The following ZBTB46 variants were observed in gnomAD, a reference collection of about 807,000 sequenced individuals.
ZBTB46 encodes the protein zinc finger and BTB domain containing 46, also known as zinc finger and BTB domain-containing protein 46.
Under a neutral mutation model 44.1 loss-of-function variants are expected in ZBTB46, and 8 were observed. The ratio of observed to expected loss-of-function variants is 0.18; its 90% CI spans 0.11 to 0.33. ZBTB46 has a LOEUF of 0.33. ZBTB46 is among the 10% of genes least tolerant of loss of function. The pLI is 1.00. For missense variants in ZBTB46, 651 were observed against 847.7 expected (o/e 0.77, Z 2.88); for synonymous variants, 409 against 382.3 (o/e 1.07, Z -0.81).
chr20:63,821,683 G>C (rs2092793299), intron 1 of ZBTB46, among the ~76,000 whole-genome samples: 2 of 151,772 alleles, frequency 1.3e-5, no homozygotes, highest in Non-Finnish European at 2.9e-5. Context: ...CCTGACCTCA[G>C]GTGATCTGCC....
intron 1 of ZBTB46, among the ~76,000 whole-genome samples, chr20:63,830,358 G>C (rs1010717223): frequency 2.0e-5 from 3 of 151,808 alleles, no homozygotes; most frequent in African/African-American, 7.2e-5. Flanking sequence ...ACAAAGACGC[G>C]GCTCGCAGCG....
chr20:63,781,648 C>T (rs2092470766), intron 2 of ZBTB46, among the ~76,000 whole-genome samples: 1 of 151,896 alleles, frequency 6.6e-6, no homozygotes, highest in African/African-American at 2.4e-5. Context: ...AAAAATCAGC[C>T]AGGGGTGGTG....
intron 1 of ZBTB46, among the ~76,000 whole-genome samples, chr20:63,796,408 G>A (rs950913449): frequency 4.6e-5 from 7 of 152,176 alleles, no homozygotes. Flanking sequence ...CCACTCAGCG[G>A]GCAAGAACGA....
chr20:63,789,564 C>A (rs532937947), intron 2 of ZBTB46, among the ~76,000 whole-genome samples: 11 of 152,344 alleles, frequency 7.2e-5, no homozygotes, highest in African/African-American at 2.2e-4. Flanking sequence ...GCCCAGGCAG[C>A]CCCCGTGTGT....
chr20:63,802,491 T>G (rs577200500), intron 1 of ZBTB46, among the ~76,000 whole-genome samples: 91 of 151,460 alleles, frequency 6.0e-4, no homozygotes, highest in Admixed American at 1.2e-3. Flanking sequence ...GGGAAGAAAT[T>G]TGGACACAGG....
intron 2 of ZBTB46, among the ~76,000 whole-genome samples, chr20:63,779,488 T>C (rs1208880444): frequency 6.9e-6 from 1 of 145,684 alleles, no homozygotes; most frequent in South Asian, 2.2e-4. Context: ...GGCATGATCT[T>C]GGCTCACTGC....
chr20:63,749,399 C>T (rs1568825836), intron 4 of ZBTB46, among the ~76,000 whole-genome samples: 2 of 152,162 alleles, frequency 1.3e-5, no homozygotes. Context: ...TGTAGTGTTG[C>T]CATCTCGGCT....
intron 3 of ZBTB46, among the ~76,000 whole-genome samples, chr20:63,772,471 C>T (rs895919785): frequency 6.6e-6 from 1 of 152,066 alleles, no homozygotes; most frequent in Non-Finnish European, 1.5e-5. Context: ...ATAAACCCGG[C>T]ACTTTGGGAG....
rs767094923 is a variant in ZBTB46 at position 63,775,744 on chromosome 20, C to T, written c.1156G>A (p.Asp386Asn). The T allele has an allele frequency of 3.1e-6, 5 of 1,611,984 alleles. No homozygotes were observed. Among genetic ancestry groups the T allele is most frequent in the Admixed American group, 3.3e-5 (2 of 59,856 alleles). ...SKNSLLSLKA[D>N]VLGDDGSLLF... ...AGGGAGCCGTCATCCCCCAGCACGT[C>T]GGCCTTCAGCGACAGCAGGCTGTTC... is the stretch of plus-strand genomic sequence containing the variant. The change falls in exon 3 of 5, where the codon GAC becomes AAC. Residue 386 changes from aspartate to asparagine, a missense_variant. This residue lies in a region of ZBTB46 where 385 missense variants were observed against 423.3 expected (regional missense o/e 0.91). Coordinates refer to ENST00000245663, the MANE Select transcript of ZBTB46 (RefSeq NM_001369741.1).
At chr20:63,751,723 ACCATGAAGCCCCGCCCCCCGGTGGGTCTC>A (rs1568828190) in intron 4 of ZBTB46, among the ~76,000 whole-genome samples, 535 of 15,880 alleles carry the variant, frequency 0.034, 66 homozygotes, top group African/African-American at 0.15. Context: ...GGTGGGTCGC[ACCATGAAGCCCCGCCCCCCGGTGGGTCTC>A]CCATGAAGCC....
intron 1 of ZBTB46, among the ~76,000 whole-genome samples, chr20:63,794,101 G>C (rs920129116): frequency 1.3e-5 from 2 of 151,776 alleles, no homozygotes; most frequent in Admixed American, 6.6e-5. Context: ...CAGGAGAATA[G>C]CGTGAACCCG....
chr20:63,764,915 G>A (rs2092306076), intron 3 of ZBTB46, among the ~76,000 whole-genome samples: 1 of 141,588 alleles, frequency 7.1e-6, no homozygotes, highest in African/African-American at 2.5e-5. Flanking sequence ...CTGCTTTTAA[G>A]ATTTTTTTTT....
At chr20:63,808,986 A>G (rs1405117809) in intron 1 of ZBTB46, among the ~76,000 whole-genome samples, 1 of 147,626 alleles carries the variant, frequency 6.8e-6, no homozygotes, top group Non-Finnish European at 1.5e-5. Context: ...CAAAAAAAAA[A>G]AAAAAAAAAA....
chr20:63,769,976 G>A (rs745410918), intron 3 of ZBTB46, among the ~76,000 whole-genome samples: 10 of 152,160 alleles, frequency 6.6e-5, no homozygotes, highest in Admixed American at 2.0e-4. Context: ...AGCCGTCCCC[G>A]CAGGAAAGGA....
chr20:63,819,151 C>T lies in ZBTB46; in HGVS notation c.-34+11946G>A, dbSNP rs183554781. ...TCGCGCCACTGCACTCCAGCCTGGG[C>T]GACAGAGTGAGACTCTGTCTGAGAA... On this transcript the variant is annotated intron_variant, in intron 1 of 4. Transcript: ENST00000245663. Among the ~76,000 whole-genome samples the T allele has an allele frequency of 1.5e-4, 23 of 152,124 alleles. No homozygotes were observed. The East Asian group carries it at 3.3e-3, about 22-fold the overall frequency.
At position 63,790,793 on chromosome 20, in the gene ZBTB46, G is replaced by A. The variant is rs1325197119; in HGVS notation, c.-33-3C>T. On this transcript the variant is annotated splice_polypyrimidine_tract_variant and splice_region_variant and intron_variant, in intron 1 of 4. Coordinates refer to ENST00000245663, the MANE Select transcript of ZBTB46 (RefSeq NM_001369741.1). Reference sequence around the variant, plus strand: ...TGGTGTCGCCTCTTCTACAGACTCTGTGGAGGTAAGAACAAGAGTTACCCA... The same window carrying A: ...TGGTGTCGCCTCTTCTACAGACTCTATGGAGGTAAGAACAAGAGTTACCCA... 3 of 1,549,840 alleles carry A rather than the reference G, an allele frequency of 1.9e-6. No individual in the cohort carries two copies. Among genetic ancestry groups the A allele is most frequent in the African/African-American group, 2.7e-5 (2 of 73,708 alleles).
intron 1 of ZBTB46, among the ~76,000 whole-genome samples, chr20:63,795,561 G>A (rs1278172278): frequency 1.3e-5 from 2 of 152,246 alleles, no homozygotes; most frequent in African/African-American, 4.8e-5. Context: ...CACAGTGCAC[G>A]CTAACGAACT....
intron 3 of ZBTB46, among the ~76,000 whole-genome samples, chr20:63,763,486 G>A (rs1352581494): frequency 1.3e-5 from 2 of 152,162 alleles, no homozygotes; most frequent in Non-Finnish European, 2.9e-5. Flanking sequence ...AGTCGAAGAG[G>A]GAGCGAGCGT....
At chr20:63,760,584 G>A (rs578102342) in intron 3 of ZBTB46, among the ~76,000 whole-genome samples, 35 of 151,788 alleles carry the variant, frequency 2.3e-4, no homozygotes, top group African/African-American at 8.2e-4. Flanking sequence ...AGCCTCCCGA[G>A]TAGCTAGGAT....
Sources: gnomAD v4.1 joint callset for allele counts (sites outside exome capture counted in the v4.1 genomes callset) on GRCh38, gnomAD v4.1.1 for gene constraint, gnomAD v4.1.1 regional missense constraint, MANE v1.5 for transcripts, NCBI Gene and HGNC (gene_info 2026-07-23, HGNC 2026-07-21) for gene names.